Variants in GNAO1 observed in about 807,000 individuals in gnomAD.
GNAO1 encodes the protein G protein subunit alpha o1.
For missense variants in GNAO1, 166 were observed against 478.7 expected (o/e 0.35, Z 6.10); for synonymous variants, 164 against 180.7 (o/e 0.91, Z 0.74).
At position 56,312,654 on chromosome 16, in the gene GNAO1, C is replaced by T. The variant is rs560855520; in HGVS notation, c.304-15977C>T. On this transcript the variant is annotated intron_variant, in intron 3 of 8. Coordinates refer to ENST00000262493, the MANE Select transcript of GNAO1 (RefSeq NM_020988.3). ...TCCTACCTGAGGTGGTGGCTGTGGC[C>T]GAAAGGCCCATTCTCACCCATGAGA... 3.3e-5 allele frequency among the ~76,000 whole-genome samples: 5 copies of T among 152,356 alleles called. No individual in the cohort carries two copies. The South Asian group carries it at 8.3e-4, about 25-fold the overall frequency.
Position 56,192,155 on chromosome 16 carries a change from T to C in GNAO1, c.-81T>C. ...TTCCCCCCTTGAGCCCAGGCTCTGCTCTCTGGGGGGGTGGGGGGCGCTCCA... is the reference window on the plus strand; with the variant it reads ...TTCCCCCCTTGAGCCCAGGCTCTGCCCTCTGGGGGGGTGGGGGGCGCTCCA... On this transcript the variant is annotated 5_prime_UTR_variant, in exon 1 of 9. Coordinates refer to ENST00000262493, the MANE Select transcript of GNAO1 (RefSeq NM_020988.3). 1.3e-6 allele frequency: 1 copy of C among 769,162 alleles called. No homozygotes were observed. The highest frequency in any genetic ancestry group is 1.7e-5 in the African/African-American group (1 of 58,098). The allele number at this position is 769,162 out of a possible 1,614,324, so 47.6% of individuals were successfully genotyped here.
In GNAO1 at chr16:56,344,544, C is replaced by T. The variant is rs913934859; in HGVS notation, c.724-6840C>T. 2.3e-5 allele frequency: 23 copies of T among 987,006 alleles called. No individual in the cohort carries two copies. The African/African-American group carries it at 4.0e-4, about 17-fold the overall frequency. The allele number at this position is 987,006 out of a possible 1,614,324, so 61.1% of individuals were successfully genotyped here. On this transcript the variant is annotated intron_variant, in intron 6 of 8. Coordinates refer to ENST00000262493, the MANE Select transcript of GNAO1 (RefSeq NM_020988.3). ...CCCTTCCTTCTCTGGGTCATCCTCC[C>T]TTGCCTTTGCTCTCCCAGAGAACTC...
rs192309701 is a variant in GNAO1, at chr16:56,240,904, G to A, written c.162-35027G>A. 5.6e-4 allele frequency among the ~76,000 whole-genome samples: 86 copies of A among 152,304 alleles called. 4 individuals carry two copies. The East Asian group carries it at 9.3e-3, about 16-fold the overall frequency. On this transcript the variant is annotated intron_variant, in intron 2 of 8. Coordinates refer to ENST00000262493, the MANE Select transcript of GNAO1 (RefSeq NM_020988.3). ...CTCAGCTCAGGAAGCCCACCCCGAT[G>A]GAGAAGGAGAAGGCAGGTAGAAGCC... is the stretch of plus-strand genomic sequence containing the variant.
At chr16:56,195,062 C>G (rs993909551) in intron 2 of GNAO1, among the ~76,000 whole-genome samples, 5 of 136,836 alleles carry the variant, frequency 3.7e-5, no homozygotes, top group African/African-American at 1.4e-4. Context: ...CTTCTCTTTC[C>G]CTTTACTTCT....
chr16:56,234,608 C>T (rs1421818901), intron 2 of GNAO1, among the ~76,000 whole-genome samples: 1 of 152,216 alleles, frequency 6.6e-6, no homozygotes, highest in Non-Finnish European at 1.5e-5. Context: ...CCCAGTTCTG[C>T]AGCTTCCATT....
chr16:56,271,926 G>A (rs1341466807), intron 2 of GNAO1, among the ~76,000 whole-genome samples: 1 of 152,064 alleles, frequency 6.6e-6, no homozygotes, highest in Non-Finnish European at 1.5e-5. Flanking sequence ...TGCTCTACTC[G>A]GCCTTTCTAA....
chr16:56,350,929 ACT>A (rs1424014895), intron 6 of GNAO1, among the ~76,000 whole-genome samples: 1 of 151,738 alleles, frequency 6.6e-6, no homozygotes, highest in Non-Finnish European at 1.5e-5. Flanking sequence ...ACGCACACAC[ACT>A]CAAGCACATG....
intron 6 of GNAO1, among the ~76,000 whole-genome samples, chr16:56,341,687 T>C (rs1596876160): frequency 6.6e-6 from 1 of 152,094 alleles, no homozygotes; most frequent in East Asian, 1.9e-4. Flanking sequence ...CTGTGGTGGG[T>C]TTACCTGACC....
At chr16:56,290,142 C>T (rs2037215767) in intron 3 of GNAO1, among the ~76,000 whole-genome samples, 1 of 152,174 alleles carries the variant, frequency 6.6e-6, no homozygotes. Context: ...GACTTCTCCA[C>T]CACTGCTTCC....
chr16:56,312,907 A>G (rs1246688373), intron 3 of GNAO1, among the ~76,000 whole-genome samples: 1 of 152,176 alleles, frequency 6.6e-6, no homozygotes, highest in African/African-American at 2.4e-5. Flanking sequence ...CTCAAAAAGA[A>G]AGTCTCAGGC....
At chr16:56,266,668 T>C (rs980374555) in intron 2 of GNAO1, among the ~76,000 whole-genome samples, 2 of 152,158 alleles carry the variant, frequency 1.3e-5, no homozygotes. Flanking sequence ...TGACATTTAT[T>C]GGGCCCTACT....
intron 3 of GNAO1, among the ~76,000 whole-genome samples, chr16:56,299,852 A>G (rs899819616): frequency 2.0e-4 from 31 of 152,180 alleles, no homozygotes; most frequent in African/African-American, 7.0e-4. Context: ...AAATCAGCAC[A>G]GTCTACCTGG....
chr16:56,267,719 T>G (rs1297984670), intron 2 of GNAO1, among the ~76,000 whole-genome samples: 1 of 152,228 alleles, frequency 6.6e-6, no homozygotes, highest in Non-Finnish European at 1.5e-5. Context: ...ACATTACTTC[T>G]TTCATATTGT....
rs559775288 is a variant in GNAO1, at chr16:56,305,466, A to G, written c.304-23165A>G. On this transcript the variant is annotated intron_variant, in intron 3 of 8. Coordinates refer to ENST00000262493, the MANE Select transcript of GNAO1 (RefSeq NM_020988.3). ...GGGTTAAAGTGAGACTGGAAAAATA[A>G]GAAGGAGACAATCTGGCAAAGACTC... Among the ~76,000 whole-genome samples, 4 of 152,320 alleles carry G rather than the reference A, an allele frequency of 2.6e-5. No individual in the cohort carries two copies. The South Asian group carries it at 6.2e-4, about 24-fold the overall frequency.
chr16:56,256,718 C>CTGTGTGTG (rs199786327), intron 2 of GNAO1, among the ~76,000 whole-genome samples: 22 of 72,302 alleles, frequency 3.0e-4, no homozygotes, highest in South Asian at 4.6e-4. Context: ...CTCTCTCTCT[C>CTGTGTGTG]TGTGTGTGTG....
At chr16:56,216,221 A>G (rs2036435981) in intron 2 of GNAO1, among the ~76,000 whole-genome samples, 2 of 152,246 alleles carry the variant, frequency 1.3e-5, no homozygotes, top group Admixed American at 1.3e-4. Flanking sequence ...TAAGATGTGT[A>G]TGTTTTACTA....
intron 4 of GNAO1, among the ~76,000 whole-genome samples, chr16:56,334,255 A>G (rs2037718997): frequency 6.6e-6 from 1 of 152,230 alleles, no homozygotes; most frequent in South Asian, 2.1e-4. Flanking sequence ...AGACAGTAAT[A>G]AAATTATGGC....
rs796197094 is a variant in GNAO1, at chr16:56,260,791, G to A, written c.162-15140G>A. On this transcript the variant is annotated intron_variant, in intron 2 of 8. Transcript: ENST00000262493. ...GCCTGGAGTGGGAAGCCTGGGAGCC[G>A]CGGCGGGGCTATTTAAATCCACCAC... Among the ~76,000 whole-genome samples the A allele has an allele frequency of 8.5e-5, 13 of 152,240 alleles. 1 individual carries two copies. The highest frequency in any genetic ancestry group is 1.4e-4 in the African/African-American group (6 of 41,516).
At chr16:56,305,863 T>A (rs2143594892) in intron 3 of GNAO1, among the ~76,000 whole-genome samples, 1 of 152,344 alleles carries the variant, frequency 6.6e-6, no homozygotes, top group Admixed American at 6.5e-5. Context: ...CGTGTGAGTC[T>A]GTGTCTTAAT....
Sources: allele counts gnomAD v4.1 joint callset (sites outside exome capture counted in the v4.1 genomes callset), GRCh38; gene constraint gnomAD v4.1.1; transcripts MANE v1.5; gene names NCBI Gene and HGNC (gene_info 2026-07-23, HGNC 2026-07-21).